Variants in PLEKHA8 observed in about 807,000 individuals in gnomAD.
PLEKHA8 encodes pleckstrin homology domain containing A8, also known as pleckstrin homology domain-containing family A member 8.
PLEKHA8 carries 36 observed loss-of-function variants against 68.2 expected under a neutral mutation model. That is an observed-to-expected ratio of 0.53 (90% CI 0.40 to 0.70). The LOEUF is 0.70. Ranked by LOEUF, PLEKHA8 falls within the 30% of genes least tolerant of loss-of-function variation. PLEKHA8 has a pLI of 0.00. For synonymous variants in PLEKHA8, 211 were observed against 216.1 expected (o/e 0.98, Z 0.20); for missense variants, 505 against 615.4 (o/e 0.82, Z 1.90).
At chr7:30,055,183 G>T in intron 8 of PLEKHA8, 74 bp from the exon 9 acceptor site, 1 of 1,344,682 alleles carries the variant, frequency 7.4e-7, no homozygotes, top group South Asian at 1.2e-5. Context: ...CTGTGTCTAT[G>T]ACTTACCTCT....
At chr7:30,128,089 G>GTT (rs1487431952) in intron 13 of PLEKHA8, among the ~76,000 whole-genome samples, 1 of 121,578 alleles carries the variant, frequency 8.2e-6, no homozygotes, top group African/African-American at 3.0e-5. Flanking sequence ...GAGTTTTACT[G>GTT]TATTTTTTTT....
In PLEKHA8 at chr7:30,073,935, A is replaced by G. The variant is rs1794432302; in HGVS notation, c.1301-136A>G. On this transcript the variant is annotated intron_variant, in intron 12 of 13. Transcript: ENST00000449726. ...AGCGCAGGAGTTCAAGGCTGCAACT[A>G]TTATCACACCACTGTACTCTAGCCT... 11 of 593,816 alleles carry G rather than the reference A, an allele frequency of 1.9e-5. No homozygotes were observed. The South Asian group carries it at 2.5e-4, about 14-fold the overall frequency. 36.8% of individuals were successfully genotyped at this position (593,816 alleles called of 1,614,324 possible). A position where few individuals can be genotyped will look rare whatever the true frequency, so the allele number is the denominator to read the frequency against.
At chr7:30,046,633 C>G (rs1231995219) in intron 3 of PLEKHA8, among the ~76,000 whole-genome samples, 5 of 152,152 alleles carry the variant, frequency 3.3e-5, no homozygotes, top group African/African-American at 4.8e-5. Flanking sequence ...ACCTTGGCAT[C>G]GGTCACTTAA....
At chr7:30,040,504 C>G (rs989859034) in intron 1 of PLEKHA8, among the ~76,000 whole-genome samples, 26 of 152,184 alleles carry the variant, frequency 1.7e-4, no homozygotes, top group Non-Finnish European at 3.8e-4. Context: ...GCCACTTGCC[C>G]ATTCTGGAAC....
At chr7:30,057,392 T>C (rs1436053036) in intron 9 of PLEKHA8, among the ~76,000 whole-genome samples, 1 of 152,176 alleles carries the variant, frequency 6.6e-6, no homozygotes, top group African/African-American at 2.4e-5. Flanking sequence ...TTCCATTAAA[T>C]GAATATACCA....
downstream of PLEKHA8, among the ~76,000 whole-genome samples, chr7:30,093,461 A>G (rs371863284): frequency 1.3e-5 from 2 of 152,292 alleles, no homozygotes; most frequent in East Asian, 3.9e-4. Flanking sequence ...CAGCCTTACC[A>G]CTATGTGGCT....
At chr7:30,099,812 C>CA in intron 13 of PLEKHA8, among the ~76,000 whole-genome samples, 1 of 152,096 alleles carries the variant, frequency 6.6e-6, no homozygotes, top group Non-Finnish European at 1.5e-5. Flanking sequence ...GATAACATAA[C>CA]AAAAAATTCA....
intron 13 of PLEKHA8, among the ~76,000 whole-genome samples, chr7:30,096,320 CTGTT>C (rs1469984178): frequency 6.6e-6 from 1 of 152,162 alleles, no homozygotes; most frequent in East Asian, 1.9e-4. Context: ...ATTTGGCTCT[CTGTT>C]TGTCTGTTAT....
intron 9 of PLEKHA8, among the ~76,000 whole-genome samples, chr7:30,056,327 T>TAC (rs1562870059): frequency 8.1e-5 from 11 of 135,594 alleles, no homozygotes; most frequent in African/African-American, 3.0e-4. Flanking sequence ...TATATATATA[T>TAC]ATATAAATAA....
At chr7:30,087,832 A>C (rs1329901527), downstream of PLEKHA8, among the ~76,000 whole-genome samples, 1 of 152,186 alleles carries the variant, frequency 6.6e-6, no homozygotes, top group East Asian at 1.9e-4. Context: ...ACCTCTAAAC[A>C]TTCCCTGCAT....
rs572233177 is a variant in PLEKHA8 at position 30,115,431 on chromosome 7, TATAC to T, written c.1363-13831_1363-13828del. Among the ~76,000 whole-genome samples the T allele has an allele frequency of 5.1e-4, 78 of 152,166 alleles. 1 individual carries two copies. Among genetic ancestry groups the T allele is most frequent in the Middle Eastern group, 3.4e-3 (1 of 294 alleles). Reference sequence around the variant, plus strand: ...CCTTTTTGTATTATATGTGTTTAGATATACATATATACATGTATATATGTATGCA... The same window carrying T: ...CCTTTTTGTATTATATGTGTTTAGATATATATACATGTATATATGTATGCA... On this transcript the variant is annotated intron_variant, in intron 13 of 13. Coordinates refer to the PLEKHA8 transcript ENST00000396257.
At chr7:30,074,761 T>C (rs912741402) in intron 13 of PLEKHA8, among the ~76,000 whole-genome samples, 8 of 152,204 alleles carry the variant, frequency 5.3e-5, no homozygotes, top group African/African-American at 1.7e-4. Flanking sequence ...AAATCTCTTC[T>C]TAGCCAGTTA....
At chr7:30,101,173 C>A in intron 13 of PLEKHA8, among the ~76,000 whole-genome samples, 2 of 141,990 alleles carry the variant, frequency 1.4e-5, no homozygotes, top group Admixed American at 7.1e-5. Context: ...CAGAGTGAGA[C>A]TTGGGGGAAA....
intron 1 of PLEKHA8, among the ~76,000 whole-genome samples, chr7:30,044,408 A>G (rs1337722688): frequency 1.3e-5 from 2 of 152,222 alleles, no homozygotes. Flanking sequence ...AGAGGACTAG[A>G]TAAGATGCGT....
At chr7:30,061,788 T>A (rs975606167) in intron 10 of PLEKHA8, 109 bp from the exon 11 acceptor site, 16 of 1,243,952 alleles carry the variant, frequency 1.3e-5, no homozygotes, top group African/African-American at 1.5e-5. Context: ...GGAGCTTAAT[T>A]TATTTTCTTA....
rs1034134922 is a variant in PLEKHA8 at position 30,028,545 on chromosome 7, C to A, written c.-218C>A. On this transcript the variant is annotated 5_prime_UTR_variant, in exon 1 of 14. Transcript: ENST00000449726. The stretch of plus-strand genomic sequence containing the variant: ...GCGTGCCGGCTTCGCCCCACGGGTT[C>A]ACCGGCTGGCTGGGCTTCAAGCGCC... 1 of 376,636 alleles carries A rather than the reference C, an allele frequency of 2.7e-6. No homozygotes were observed. 23.3% of individuals were successfully genotyped at this position (376,636 alleles called of 1,614,324 possible).
At chr7:30,128,326 C>CA (rs1184624447) in intron 13 of PLEKHA8, among the ~76,000 whole-genome samples, 1 of 152,114 alleles carries the variant, frequency 6.6e-6, no homozygotes, top group Non-Finnish European at 1.5e-5. Context: ...AGCCTGGTCT[C>CA]AAACACCTGA....
At chr7:30,117,039 G>A (rs1323820240) in intron 13 of PLEKHA8, among the ~76,000 whole-genome samples, 6 of 152,168 alleles carry the variant, frequency 3.9e-5, no homozygotes, top group Middle Eastern at 3.2e-3. Context: ...CCGCCTTTCC[G>A]TCTGCCTTCC....
intron 1 of PLEKHA8, among the ~76,000 whole-genome samples, chr7:30,032,834 A>G (rs1790767515): frequency 1.3e-5 from 2 of 152,184 alleles, no homozygotes; most frequent in Admixed American, 1.3e-4. Flanking sequence ...CACTCAGCTG[A>G]TAGGAGGGCT....
Sources: gnomAD v4.1 joint callset for allele counts (sites outside exome capture counted in the v4.1 genomes callset) on GRCh38, gnomAD v4.1.1 for gene constraint, MANE v1.5 for transcripts, NCBI Gene and HGNC (gene_info 2026-07-23, HGNC 2026-07-21) for gene names.